The following ST8SIA4 variants were observed in gnomAD, a reference collection of about 807,000 sequenced individuals.
The protein encoded by ST8SIA4 is CMP-N-acetylneuraminate-poly-alpha-2,8-sialyltransferase.
In ST8SIA4, 15 loss-of-function variants were observed where a neutral mutation model predicts 33.9. The observed-to-expected ratio is 0.44, with a 90% CI of 0.30 to 0.68. ST8SIA4 has a LOEUF of 0.68. Among genes scored for constraint, ST8SIA4 ranks in the 30% least tolerant of loss-of-function variants. The probability of loss-of-function intolerance (pLI) is 0.10; values close to 1 mark genes in which losing one functional copy is unlikely to be tolerated. For synonymous variants in ST8SIA4, 171 were observed against 151.2 expected, an observed-to-expected ratio of 1.13 and a Z score of -0.96; for missense variants, 321 against 428.0, an observed-to-expected ratio of 0.75 and a Z score of 2.21.
intron 4 of ST8SIA4, among the ~76,000 whole-genome samples, chr5:100,852,367 G>T (rs528736895): frequency 6.7e-6 from 1 of 150,368 alleles, no homozygotes; most frequent in South Asian, 2.1e-4. Context: ...GGTAATCCAC[G>T]CACCTTGGCC....
chr5:100,844,660 T>C (rs879327814), intron 4 of ST8SIA4, among the ~76,000 whole-genome samples: 6 of 152,132 alleles, frequency 3.9e-5, no homozygotes, highest in Non-Finnish European at 7.4e-5. Flanking sequence ...CAGTCATAGG[T>C]GTTAGGCTCA....
intron 4 of ST8SIA4, among the ~76,000 whole-genome samples, chr5:100,847,447 C>T (rs1580460053): frequency 6.6e-6 from 1 of 152,186 alleles, no homozygotes; most frequent in Admixed American, 6.6e-5. Context: ...ATGACATTCA[C>T]ATGAAGTTAT....
intron 1 of ST8SIA4, among the ~76,000 whole-genome samples, chr5:100,900,048 T>C (rs1023826447): frequency 2.0e-5 from 3 of 152,172 alleles, no homozygotes; most frequent in African/African-American, 7.2e-5. Flanking sequence ...GTTGTGCTGG[T>C]TTTCTATTTT....
intron 3 of ST8SIA4, among the ~76,000 whole-genome samples, 163 bp from the exon 4 acceptor site, chr5:100,856,559 C>T (rs1011022207): frequency 4.6e-5 from 7 of 152,064 alleles, no homozygotes; most frequent in Admixed American, 2.0e-4. Flanking sequence ...AATAAGTCTC[C>T]GCACGTGCAG....
chr5:100,816,230 A>G (rs1003237271), intron 4 of ST8SIA4, among the ~76,000 whole-genome samples: 3 of 152,216 alleles, frequency 2.0e-5, no homozygotes, highest in African/African-American at 4.8e-5. Context: ...CATTGCAAAG[A>G]AAAGAAGGTA....
chr5:100,887,199 A>G (rs1462958171), intron 2 of ST8SIA4, among the ~76,000 whole-genome samples: 3 of 152,114 alleles, frequency 2.0e-5, no homozygotes, highest in Admixed American at 2.0e-4. Context: ...TCCTGGAAGT[A>G]AGATGGATAC....
chr5:100,886,240 G>A, intron 3 of ST8SIA4, 103 bp downstream of exon 3: 1 of 1,499,494 alleles, frequency 6.7e-7, no homozygotes. Flanking sequence ...ACAAATATTT[G>A]TTTGAGGTTT....
intron 4 of ST8SIA4, among the ~76,000 whole-genome samples, chr5:100,839,092 A>C (rs907997674): frequency 4.6e-5 from 7 of 151,910 alleles, no homozygotes; most frequent in Admixed American, 2.6e-4. Flanking sequence ...CCTCCCAAAA[A>C]GTTGGAATTA....
At chr5:100,888,316 G>A (rs778130571) in intron 2 of ST8SIA4, among the ~76,000 whole-genome samples, 61 of 151,772 alleles carry the variant, frequency 4.0e-4, no homozygotes, top group Non-Finnish European at 8.2e-4. Flanking sequence ...TTCCTAGTAT[G>A]TGGTCAAGTT....
intron 3 of ST8SIA4, among the ~76,000 whole-genome samples, chr5:100,881,879 C>T (rs1050195498): frequency 3.9e-5 from 6 of 152,160 alleles, no homozygotes; most frequent in African/African-American, 7.2e-5. Flanking sequence ...AAGGGCCTTT[C>T]GCCTCCCACC....
chr5:100,864,379 C>A (rs1040762326), intron 3 of ST8SIA4, among the ~76,000 whole-genome samples: 1 of 151,874 alleles, frequency 6.6e-6, no homozygotes, highest in Admixed American at 6.6e-5. Flanking sequence ...TCGAGACTAT[C>A]CTGGCTAACA....
intron 3 of ST8SIA4, among the ~76,000 whole-genome samples, chr5:100,861,661 G>T (rs1053886863): frequency 9.9e-5 from 15 of 152,124 alleles, no homozygotes; most frequent in Non-Finnish European, 2.1e-4. Context: ...AGAAATAAAA[G>T]ATATTTAGCT....
intron 4 of ST8SIA4, among the ~76,000 whole-genome samples, chr5:100,839,291 TTG>T: frequency 6.6e-6 from 1 of 152,022 alleles, no homozygotes; most frequent in Non-Finnish European, 1.5e-5. Context: ...TGTACATAGT[TTG>T]AGCCTTATAA....
intron 4 of ST8SIA4, among the ~76,000 whole-genome samples, chr5:100,818,357 C>G (rs1490961297): frequency 1.3e-5 from 2 of 151,826 alleles, no homozygotes; most frequent in Non-Finnish European, 2.9e-5. Context: ...ATGTGTGAAG[C>G]TTTTTGGGAA....
chr5:100,854,018 A>C (rs1751759582), intron 4 of ST8SIA4, among the ~76,000 whole-genome samples: 3 of 106,966 alleles, frequency 2.8e-5, no homozygotes, highest in Admixed American at 9.2e-5. Context: ...TGTATGTTTA[A>C]GATGGAAACA....
chr5:100,872,996 A>C (rs1030191222), intron 3 of ST8SIA4, among the ~76,000 whole-genome samples: 11 of 152,094 alleles, frequency 7.2e-5, no homozygotes, highest in African/African-American at 2.7e-4. Context: ...CTGTAATCAA[A>C]TGAACATTCT....
intron 4 of ST8SIA4, among the ~76,000 whole-genome samples, chr5:100,839,849 C>G (rs535949891): frequency 1.4e-4 from 21 of 151,970 alleles, no homozygotes; most frequent in South Asian, 8.3e-4. Flanking sequence ...GCAACTCTAA[C>G]TGTGCCACTA....
chr5:100,849,628 GA>G (rs34887514), intron 4 of ST8SIA4, among the ~76,000 whole-genome samples: 133,291 of 148,146 alleles, frequency 0.9, 60,524 homozygotes, highest in Non-Finnish European at 0.98. Flanking sequence ...CAAAAATAGA[GA>G]AAAAAAAAAA....
intron 1 of ST8SIA4, chr5:100,900,526 C>A (rs1280874376): frequency 4.4e-6 from 2 of 455,866 alleles, no homozygotes; most frequent in East Asian, 1.4e-4. Context: ...AACCTTTCAT[C>A]CTGGAGAAAA....
Sources: allele counts gnomAD v4.1 joint callset (sites outside exome capture counted in the v4.1 genomes callset), GRCh38; gene constraint gnomAD v4.1.1; transcripts MANE v1.5; gene names NCBI Gene and HGNC (gene_info 2026-07-23, HGNC 2026-07-21).